Variants in TSSC4 observed in about 807,000 individuals in gnomAD.
TSSC4 encodes U5 small nuclear ribonucleoprotein TSSC4.
For missense variants in TSSC4, 500 were observed against 443.9 expected (o/e 1.13, Z -1.14); for synonymous variants, 259 against 197.9 (o/e 1.31, Z -2.59).
Position 2,403,355 on chromosome 11 carries a change from G to T in TSSC4, c.722G>T (p.Gly241Val). The T allele has an allele frequency of 6.2e-7, 1 of 1,611,630 alleles. No homozygotes were observed. Among genetic ancestry groups the T allele is most frequent in the Non-Finnish European group, 8.5e-7 (1 of 1,179,166 alleles). ...GGGAAGGTGGGAGAGCCAGGCAGGG[G>T]CGGCCTTGGGAATCCTGCCACAGAC... ...VLGKVGEPGR[G>V]GLGNPATDRG... is the part of the protein sequence containing the mutation. The change falls in exon 3 of 3, where the codon GGC becomes GTC. Residue 241 changes from glycine (G) to valine (V), a missense_variant. Coordinates refer to ENST00000333256, the MANE Select transcript of TSSC4 (RefSeq NM_005706.4).
intron 1 of TSSC4, chr11:2,401,177 C>G (rs1850134084): frequency 6.6e-6 from 1 of 152,214 alleles, no homozygotes. Context: ...TCGCCGAGAA[C>G]CCCGAGAAAC....
intron 1 of TSSC4, chr11:2,401,312 A>G (rs1850138148): frequency 6.6e-6 from 1 of 152,270 alleles, no homozygotes; most frequent in Non-Finnish European, 1.5e-5. Flanking sequence ...TCTGGGAAGC[A>G]GGGTTCTGGT....
chr11:2,402,592 C>G lies in TSSC4; in HGVS notation c.-23-19C>G. 2 of 1,533,514 alleles carry G rather than the reference C, an allele frequency of 1.3e-6. No individual in the cohort carries two copies. The highest frequency in any genetic ancestry group is 1.8e-6 in the Non-Finnish European group (2 of 1,137,242). 95.0% of individuals were successfully genotyped at this position (1,533,514 alleles called of 1,614,324 possible). ...CTGTTCCTCCTGAGAAACAAATTTT[C>G]TGGGCTGTTTTGGTTTAGGTGTGGC... On this transcript the variant is annotated intron_variant, in intron 2 of 2. Transcript: ENST00000333256.
intron 1 of TSSC4, chr11:2,401,802 G>C (rs1255968771): frequency 6.6e-6 from 1 of 152,208 alleles, no homozygotes; most frequent in Non-Finnish European, 1.5e-5. Context: ...ACTGGAGGTC[G>C]CTCCAGGAGC....
Position 2,402,785 on chromosome 11 carries a change from C to T in TSSC4, c.152C>T (p.Pro51Leu), listed in dbSNP as rs11555996. The change falls in exon 3 of 3, where the codon CCG (proline) becomes CTG (leucine). Residue 51 changes from proline (P) to leucine (L), a missense_variant. Physicochemically the swap from Pro to Leu is moderately conservative, Grantham distance 98. Transcript: ENST00000333256. The stretch of plus-strand genomic sequence containing the variant: ...GGTGCTGAAGTGGAAGCACTGTCCC[C>T]GATGGGGCTGCCTGGGGAGGAGGAT... Reference protein sequence around the residue: ...PGGAEVEALSPMGLPGEEDSG... With the variant: ...PGGAEVEALSLMGLPGEEDSG... 1.5e-5 allele frequency: 23 copies of T among 1,573,620 alleles called. No homozygotes were observed. Among genetic ancestry groups the T allele is most frequent in the African/African-American group, 4.1e-5 (3 of 74,018 alleles).
At position 2,403,474 on chromosome 11, in the gene TSSC4, G is replaced by T. The variant is rs1400171446; in HGVS notation, c.841G>T (p.Val281Leu). ...CAGCCACCATGGAGGCCTGCAGGAG[G>T]TGGAGGCACTGTCAGGGTCTGTCCA... ...WGSHHGGLQE[V>L]EALSGSVHSG... The change falls in exon 3 of 3, where the codon GTG becomes TTG. Residue 281 changes from valine (V) to leucine (L), a missense_variant. Transcript: ENST00000333256. The T allele has an allele frequency of 7.5e-6, 12 of 1,599,974 alleles. No individual in the cohort carries two copies. The Admixed American group carries it at 2.1e-4, about 27-fold the overall frequency.
In TSSC4 at chr11:2,403,503, TG is replaced by T; in HGVS notation, c.873del (p.Ser292LeufsTer123). 6.2e-7 allele frequency: 1 copy of T among 1,601,334 alleles called. No individual in the cohort carries two copies. The highest frequency in any genetic ancestry group is 8.5e-7 in the Non-Finnish European group (1 of 1,173,566). ...AGGCACTGTCAGGGTCTGTCCACAG[TG>T]GGTCTGTGCCAGGTCTCCCGCCGGT... ...VEALSGSVHS[G>X]SVPGLPPVET... On this transcript the variant is annotated frameshift_variant, in exon 3 of 3. Transcript: ENST00000333256. LOFTEE classifies it low-confidence loss of function (END_TRUNC).
rs1423790891 is a variant in TSSC4 at position 2,403,223 on chromosome 11, G to A, written c.590G>A (p.Cys197Tyr). 4 of 1,612,762 alleles carry A rather than the reference G, an allele frequency of 2.5e-6. No individual in the cohort carries two copies. The highest frequency in any genetic ancestry group is 4.5e-5 in the East Asian group (2 of 44,886). The change falls in exon 3 of 3, where the codon TGC becomes TAC. Residue 197 changes from cysteine (C) to tyrosine (Y), a missense_variant. Coordinates refer to ENST00000333256, the MANE Select transcript of TSSC4 (RefSeq NM_005706.4). Reference sequence around the variant, plus strand: ...CAGAGCCTGGCTGCCCCCACTGACTGCGTGTCCTCCTTCAACCAGGATCCC... The same window carrying A: ...CAGAGCCTGGCTGCCCCCACTGACTACGTGTCCTCCTTCAACCAGGATCCC... ...GSQSLAAPTDCVSSFNQDPSS... is the reference protein window; with the variant it reads ...GSQSLAAPTDYVSSFNQDPSS...
rs151277591 is a variant in TSSC4, at chr11:2,403,600, G to A, written c.967G>A (p.Glu323Lys). The A allele has an allele frequency of 9.1e-6, 14 of 1,532,894 alleles. No individual in the cohort carries two copies. The highest frequency in any genetic ancestry group is 1.8e-4 in the Middle Eastern group (1 of 5,528). The allele number at this position is 1,532,894 out of a possible 1,614,324, so 95.0% of individuals were successfully genotyped here. ...DHFRNKSSSP[E>K]DPGAEV ...CTTCCGGAACAAGAGCAGCAGCCCC[G>A]AGGACCCAGGTGCTGAGGTCTGAGA... Residue 323 changes from glutamate to lysine, a missense_variant, in exon 3 of 3, where the codon GAG becomes AAG. Glu to Lys is a moderately conservative substitution (Grantham distance 56). Coordinates refer to ENST00000333256, the MANE Select transcript of TSSC4 (RefSeq NM_005706.4).
chr11:2,403,781 C>G lies in TSSC4; in HGVS notation c.*158C>G. 1.5e-6 allele frequency: 1 copy of G among 689,546 alleles called. No individual in the cohort carries two copies. Among genetic ancestry groups the G allele is most frequent in the Non-Finnish European group, 2.2e-6 (1 of 452,120 alleles). The allele number at this position is 689,546 out of a possible 1,614,324, so 42.7% of individuals were successfully genotyped here. On this transcript the variant is annotated 3_prime_UTR_variant, in exon 3 of 3. Transcript: ENST00000333256. The stretch of plus-strand genomic sequence containing the variant: ...GGCTGCAGTTCTGGGCAGCATCCTC[C>G]CAAGCAGAGACCTTGCTGAAGCTCC...
chr11:2,402,511 T>TTGA, intron 2 of TSSC4, 61 bp downstream of exon 2: 1 of 1,105,120 alleles, frequency 9.0e-7, no homozygotes, highest in Non-Finnish European at 1.3e-6. Flanking sequence ...GTTCTGTCAG[T>TTGA]TGACCCTCCA....
intron 1 of TSSC4, chr11:2,401,894 G>T (rs989844155): frequency 2.6e-5 from 4 of 152,216 alleles, no homozygotes; most frequent in African/African-American, 4.8e-5. Flanking sequence ...ACCCTCAGAT[G>T]CCAGGGCCTT....
rs770009607 is a variant in TSSC4, at chr11:2,403,599, C to G, written c.966C>G (p.Pro322=). ...RDHFRNKSSS[P]EDPGAEV ...ACTTCCGGAACAAGAGCAGCAGCCC[C>G]GAGGACCCAGGTGCTGAGGTCTGAG... The change falls in exon 3 of 3, where the codon CCC becomes CCG. Residue 322 remains proline, a synonymous_variant. Coordinates refer to ENST00000333256, the MANE Select transcript of TSSC4 (RefSeq NM_005706.4). 29 of 1,533,532 alleles carry G rather than the reference C, an allele frequency of 1.9e-5. No individual in the cohort carries two copies. The highest frequency in any genetic ancestry group is 2.5e-5 in the Non-Finnish European group (29 of 1,141,586). The allele number at this position is 1,533,532 out of a possible 1,614,324, so 95.0% of individuals were successfully genotyped here.
In TSSC4 at chr11:2,403,614, TGAGGTCTGA is replaced by T. The variant is rs766120852; in HGVS notation, c.986_*4del. The T allele has an allele frequency of 9.2e-6, 14 of 1,520,006 alleles. No homozygotes were observed. In the Admixed American group the frequency reaches 3.0e-4, roughly 33 times the overall value. 94.2% of individuals were successfully genotyped at this position (1,520,006 alleles called of 1,614,324 possible). On this transcript the variant is annotated stop_lost and inframe_deletion, in exon 3 of 3. Coordinates refer to ENST00000333256, the MANE Select transcript of TSSC4 (RefSeq NM_005706.4). ...GCAGCAGCCCCGAGGACCCAGGTGC[TGAGGTCTGA>T]GAGGGAGATGGCCCAGCCTGACCCC...
Position 2,402,439 on chromosome 11 carries a change from C to T in TSSC4, c.-35C>T. 1 of 620,024 alleles carries T rather than the reference C, an allele frequency of 1.6e-6. No homozygotes were observed. Among genetic ancestry groups the T allele is most frequent in the Non-Finnish European group, 2.8e-6 (1 of 362,826 alleles). The allele number at this position is 620,024 out of a possible 1,614,324, so 38.4% of individuals were successfully genotyped here. A position where few individuals can be genotyped will look rare whatever the true frequency, so the allele number is the denominator to read the frequency against. ...TCCAGTGTCAACCACTGGCACCCAG[C>T]AGCCAAGAGAGGTGAGAGGAGGGCT... is the stretch of plus-strand genomic sequence containing the variant. On this transcript the variant is annotated 5_prime_UTR_variant, in exon 2 of 3. Transcript: ENST00000333256.
Position 2,402,828 on chromosome 11 carries a change from GC to G in TSSC4, c.198del (p.Ser67HisfsTer16), listed in dbSNP as rs1565000984. The G allele has an allele frequency of 6.3e-7, 1 of 1,597,470 alleles. No homozygotes were observed. The highest frequency in any genetic ancestry group is 2.3e-5 in the East Asian group (1 of 44,172). ...AGGAGGATTCAGGTCCTGATGAGCC[GC>G]CCTCACCCCCGTCAGGCCTCCTCCC... The part of the protein sequence containing the change: ...GEEDSGPDEP[P>X]SPPSGLLPAT... On this transcript the variant is annotated frameshift_variant, in exon 3 of 3. Transcript: ENST00000333256. LOFTEE classifies it low-confidence loss of function (END_TRUNC).
At position 2,403,390 on chromosome 11, in the gene TSSC4, G is replaced by T. The variant is rs764702073; in HGVS notation, c.757G>T (p.Gly253Cys). The change falls in exon 3 of 3, where the codon GGC (glycine) becomes TGC (cysteine). Residue 253 changes from glycine (G) to cysteine (C), a missense_variant. Transcript: ENST00000333256. ...LGNPATDRGE[G>C]PVELAHLAGP... Reference sequence around the variant, plus strand: ...GAATCCTGCCACAGACAGGGGCGAGGGCCCTGTGGAGCTGGCCCATCTGGC... The same window carrying T: ...GAATCCTGCCACAGACAGGGGCGAGTGCCCTGTGGAGCTGGCCCATCTGGC... 3.7e-6 allele frequency: 6 copies of T among 1,604,460 alleles called. No individual in the cohort carries two copies. In the African/African-American group the frequency reaches 6.7e-5, roughly 18 times the overall value.
chr11:2,402,830 C>A lies in TSSC4; in HGVS notation c.197C>A (p.Pro66His). The change falls in exon 3 of 3, where the codon CCC becomes CAC. Residue 66 changes from proline to histidine, a missense_variant. Physicochemically the swap from Pro to His is moderately conservative, Grantham distance 77. Coordinates refer to ENST00000333256, the MANE Select transcript of TSSC4 (RefSeq NM_005706.4). ...GAGGATTCAGGTCCTGATGAGCCGCCCTCACCCCCGTCAGGCCTCCTCCCA... is the reference window on the plus strand; with the variant it reads ...GAGGATTCAGGTCCTGATGAGCCGCACTCACCCCCGTCAGGCCTCCTCCCA... ...GEEDSGPDEP[P>H]SPPSGLLPAT... 2.5e-6 allele frequency: 4 copies of A among 1,599,336 alleles called. No individual in the cohort carries two copies. Among genetic ancestry groups the A allele is most frequent in the Non-Finnish European group, 3.4e-6 (4 of 1,172,876 alleles).
chr11:2,400,960 G>C (rs1291878376), intron 1 of TSSC4, 162 bp downstream of exon 1: 2 of 152,198 alleles, frequency 1.3e-5, no homozygotes, highest in Admixed American at 6.5e-5. Flanking sequence ...TGTGAGGCCC[G>C]GAGGCCTGTC....
Sources: allele counts gnomAD v4.1 joint callset, GRCh38; gene constraint gnomAD v4.1.1; transcripts MANE v1.5; gene names NCBI Gene and HGNC (gene_info 2026-07-23, HGNC 2026-07-21).